The following KCNMA1 variants were observed in gnomAD, a reference collection of about 807,000 sequenced individuals.
The protein encoded by KCNMA1 is potassium calcium-activated channel subfamily M alpha 1.
Under a neutral mutation model 140.0 loss-of-function variants are expected in KCNMA1, and 29 were observed. That is an observed-to-expected ratio of 0.21 (90% CI 0.15 to 0.28). The LOEUF is 0.28. KCNMA1 is among the 10% of genes least tolerant of loss of function. KCNMA1 has a pLI of 1.00. For missense variants in KCNMA1, 880 were observed against 1,602.2 expected, an observed-to-expected ratio of 0.55 and a Z score of 7.70; for synonymous variants, 612 against 611.9, an observed-to-expected ratio of 1.00 and a Z score of 0.00.
At chr10:77,163,927 G>A (rs1298817938) in intron 5 of KCNMA1, among the ~76,000 whole-genome samples, 3 of 152,154 alleles carry the variant, frequency 2.0e-5, no homozygotes, top group South Asian at 2.1e-4. Flanking sequence ...ACACACGGGA[G>A]ACACTCAGGG....
intron 24 of KCNMA1, 183 bp from the exon 25 acceptor site, chr10:76,910,279 T>C: frequency 1.5e-6 from 1 of 645,606 alleles, no homozygotes; most frequent in Non-Finnish European, 2.7e-6. Flanking sequence ...TGTTCCTGTG[T>C]CACTGTTTAA....
At chr10:76,993,608 C>A (rs574756486) in intron 19 of KCNMA1, among the ~76,000 whole-genome samples, 1 of 152,330 alleles carries the variant, frequency 6.6e-6, no homozygotes, top group South Asian at 2.1e-4. Context: ...ACAACAGGCT[C>A]CCCTCTGTTT....
intron 16 of KCNMA1, chr10:77,022,937 C>T (rs2093023234): frequency 2.2e-6 from 1 of 455,460 alleles, no homozygotes; most frequent in African/African-American, 2.0e-5. Context: ...CAGCCTGCCA[C>T]TTGCAAAGTT....
At chr10:77,500,086 A>G (rs1468489389) in intron 1 of KCNMA1, among the ~76,000 whole-genome samples, 1 of 151,820 alleles carries the variant, frequency 6.6e-6, no homozygotes, top group Non-Finnish European at 1.5e-5. Context: ...ATGGGTAGAC[A>G]TTCCAATTTA....
Position 77,391,728 on chromosome 10 carries a change from G to A in KCNMA1, c.540+12134C>T, listed in dbSNP as rs1019132414. ...CACCAAATTGGGCTGTTTGGGGCCC[G>A]TAGGCACGAGTCAGTCTGCCTCCTC... On this transcript the variant is annotated intron_variant, in intron 2 of 27. Transcript: ENST00000286628. Among the ~76,000 whole-genome samples, 10 of 152,088 alleles carry A rather than the reference G, an allele frequency of 6.6e-5. No individual in the cohort carries two copies. The South Asian group carries it at 1.0e-3, about 16-fold the overall frequency.
intron 1 of KCNMA1, among the ~76,000 whole-genome samples, chr10:77,590,606 C>T (rs1330784612): frequency 1.3e-5 from 2 of 152,230 alleles, no homozygotes; most frequent in East Asian, 1.9e-4. Context: ...GAGCCGGCTC[C>T]GGCCTTGGCC....
At chr10:77,009,177 C>T (rs1160723409) in intron 18 of KCNMA1, among the ~76,000 whole-genome samples, 2 of 152,140 alleles carry the variant, frequency 1.3e-5, no homozygotes, top group Non-Finnish European at 2.9e-5. Context: ...GTTACACTGG[C>T]TTGGCTTTGT....
At chr10:76,967,918 C>A (rs1027790550) in intron 20 of KCNMA1, among the ~76,000 whole-genome samples, 8 of 152,180 alleles carry the variant, frequency 5.3e-5, no homozygotes, top group African/African-American at 1.9e-4. Flanking sequence ...AAGCAAGATC[C>A]ACTTTGAAAA....
rs535669448 is a variant in KCNMA1 at position 77,620,379 on chromosome 10, C to G, written c.378+16886G>C. Among the ~76,000 whole-genome samples the G allele has an allele frequency of 2.6e-5, 4 of 152,310 alleles. No homozygotes were observed. In the South Asian group the frequency reaches 8.3e-4, roughly 32 times the overall value. ...TGCAAGACGCTCTGCTGACAAATAC[C>G]TGGGGAAAGCAGGAGCTGTGGGAGG... is the stretch of plus-strand genomic sequence containing the variant. On this transcript the variant is annotated intron_variant, in intron 1 of 27. Coordinates refer to ENST00000286628, the MANE Select transcript of KCNMA1 (RefSeq NM_001161352.2).
chr10:77,014,792 T>C (rs1480289697), intron 17 of KCNMA1, among the ~76,000 whole-genome samples: 2 of 152,172 alleles, frequency 1.3e-5, no homozygotes, highest in South Asian at 2.1e-4. Context: ...AGGCAGAGTA[T>C]CTAAGCTCAG....
chr10:77,144,583 A>G (rs2098252147), intron 5 of KCNMA1, among the ~76,000 whole-genome samples: 1 of 152,194 alleles, frequency 6.6e-6, no homozygotes, highest in African/African-American at 2.4e-5. Flanking sequence ...TATTGCATGT[A>G]TAATATACTT....
chr10:76,985,983 T>G (rs2081165126), intron 19 of KCNMA1, among the ~76,000 whole-genome samples: 1 of 152,182 alleles, frequency 6.6e-6, no homozygotes, highest in Non-Finnish European at 1.5e-5. Flanking sequence ...GTTTCTCACT[T>G]GAAACAAATA....
chr10:77,076,763 T>A (rs1182507161), intron 13 of KCNMA1, among the ~76,000 whole-genome samples: 2 of 152,220 alleles, frequency 1.3e-5, no homozygotes, highest in East Asian at 3.8e-4. Context: ...TCTACAATTA[T>A]GATGATGACA....
chr10:76,942,174 A>G (rs1341718651), intron 23 of KCNMA1, among the ~76,000 whole-genome samples: 2 of 152,112 alleles, frequency 1.3e-5, no homozygotes, highest in Non-Finnish European at 2.9e-5. Flanking sequence ...GGGTTTCGCC[A>G]TGTTGGCCAA....
intron 5 of KCNMA1, among the ~76,000 whole-genome samples, chr10:77,177,568 AG>A (rs1467158826): frequency 6.6e-6 from 1 of 151,100 alleles, no homozygotes; most frequent in Non-Finnish European, 1.5e-5. Flanking sequence ...CAAACACCTG[AG>A]CTCAGGGGTC....
chr10:77,040,306 A>C (rs756970634), intron 14 of KCNMA1, among the ~76,000 whole-genome samples: 3 of 152,190 alleles, frequency 2.0e-5, no homozygotes, highest in Non-Finnish European at 4.4e-5. Context: ...AAAAGTACAC[A>C]GTCTTTTACA....
At chr10:77,577,823 T>C (rs978129706) in intron 1 of KCNMA1, among the ~76,000 whole-genome samples, 2 of 152,188 alleles carry the variant, frequency 1.3e-5, no homozygotes, top group Non-Finnish European at 2.9e-5. Context: ...ACAGTTCACA[T>C]TGGCTTTGGT....
At chr10:77,631,629 C>T (rs949580588) in intron 1 of KCNMA1, among the ~76,000 whole-genome samples, 3 of 152,156 alleles carry the variant, frequency 2.0e-5, no homozygotes, top group African/African-American at 7.2e-5. Flanking sequence ...GCCTCTCATG[C>T]CCTGATGAGA....
At chr10:77,556,991 T>C (rs1340170213) in intron 1 of KCNMA1, among the ~76,000 whole-genome samples, 2 of 152,228 alleles carry the variant, frequency 1.3e-5, no homozygotes, top group Non-Finnish European at 2.9e-5. Context: ...ATCCTCTAGC[T>C]GCAAGACCTG....
Sources: gnomAD v4.1 joint callset for allele counts (sites outside exome capture counted in the v4.1 genomes callset) on GRCh38, gnomAD v4.1.1 for gene constraint, MANE v1.5 for transcripts, NCBI Gene and HGNC (gene_info 2026-07-23, HGNC 2026-07-21) for gene names.